Variants in PDE4B observed in about 807,000 individuals in gnomAD.
PDE4B encodes the protein 3',5'-cyclic-AMP phosphodiesterase 4B.
In PDE4B, 20 loss-of-function variants were observed where a neutral mutation model predicts 82.2. That is an observed-to-expected ratio of 0.24 (90% CI 0.17 to 0.35). The LOEUF (loss-of-function observed/expected upper bound fraction) is 0.35, where lower values mean the gene tolerates loss of function less well. Among genes scored for constraint, PDE4B ranks in the 10% least tolerant of loss-of-function variants. PDE4B has a pLI of 1.00. For missense variants in PDE4B, 655 were observed against 907.2 expected, an observed-to-expected ratio of 0.72 and a Z score of 3.57; for synonymous variants, 320 against 318.9, an observed-to-expected ratio of 1.00 and a Z score of -0.04.
At chr1:66,116,720 C>T (rs1371965285) in intron 3 of PDE4B, among the ~76,000 whole-genome samples, 1 of 152,102 alleles carries the variant, frequency 6.6e-6, no homozygotes, top group African/African-American at 2.4e-5. Flanking sequence ...TGTGCCACCA[C>T]ACCCGGCTGA....
At chr1:65,811,233 C>T (rs770910556) in intron 1 of PDE4B, among the ~76,000 whole-genome samples, 19 of 152,216 alleles carry the variant, frequency 1.2e-4, no homozygotes, top group Non-Finnish European at 1.9e-4. Flanking sequence ...ATAACTTGCT[C>T]AGGGTCATAT....
intron 4 of PDE4B, among the ~76,000 whole-genome samples, chr1:66,247,895 T>C (rs1371195296): frequency 6.6e-6 from 1 of 152,254 alleles, no homozygotes; most frequent in Admixed American, 6.5e-5. Context: ...TTACATCTTT[T>C]ACTGATACCT....
intron 3 of PDE4B, among the ~76,000 whole-genome samples, chr1:66,134,561 G>C (rs901340173): frequency 6.6e-6 from 1 of 152,142 alleles, no homozygotes; most frequent in Admixed American, 6.6e-5. Context: ...ATGGGTCCTT[G>C]ACTTGGGAAG....
At chr1:66,056,570 G>A (rs61796607) in intron 3 of PDE4B, among the ~76,000 whole-genome samples, 32,813 of 151,136 alleles carry the variant, frequency 0.22, 4,116 homozygotes, top group Middle Eastern at 0.36. Flanking sequence ...TCCTTACTTG[G>A]GAAGAAACTT....
chr1:66,045,540 A>G (rs552744088), intron 3 of PDE4B, among the ~76,000 whole-genome samples: 1 of 151,886 alleles, frequency 6.6e-6, no homozygotes, highest in South Asian at 2.1e-4. Flanking sequence ...TCCTAATTTT[A>G]TTCAAGAATG....
At chr1:66,243,472 T>C (rs1343380569) in intron 3 of PDE4B, among the ~76,000 whole-genome samples, 2 of 152,076 alleles carry the variant, frequency 1.3e-5, no homozygotes, top group East Asian at 3.8e-4. Context: ...AGTAAATAAA[T>C]AGAGAATTAA....
At position 66,209,320 on chromosome 1, in the gene PDE4B, T is replaced by C. The variant is rs10493399; in HGVS notation, c.282-38140T>C. ...TTGGAAGTTTCATGTGTTATCTCCTTTAAACTCACTGTAAAAGGCATGAGG... is the reference window on the plus strand; with the variant it reads ...TTGGAAGTTTCATGTGTTATCTCCTCTAAACTCACTGTAAAAGGCATGAGG... On this transcript the variant is annotated intron_variant, in intron 3 of 16. Coordinates refer to ENST00000341517, the MANE Select transcript of PDE4B (RefSeq NM_002600.4). Among the ~76,000 whole-genome samples, 1,941 of 152,350 alleles carry C rather than the reference T, an allele frequency of 0.013. 91 individuals carry two copies. In the East Asian group the frequency reaches 0.15, roughly 12 times the overall value.
intron 8 of PDE4B, among the ~76,000 whole-genome samples, chr1:66,350,446 T>G (rs989634365): frequency 7.9e-5 from 12 of 152,150 alleles, no homozygotes; most frequent in African/African-American, 2.9e-4. Context: ...GAGAGGAAGG[T>G]ACCTGCTTTA....
intron 1 of PDE4B, among the ~76,000 whole-genome samples, chr1:65,826,494 T>C (rs961576030): frequency 6.6e-6 from 1 of 152,122 alleles, no homozygotes; most frequent in African/African-American, 2.4e-5. Context: ...AGAGTTACTT[T>C]GAGGGAAGAT....
At chr1:66,224,407 C>CA (rs1444646939) in intron 3 of PDE4B, among the ~76,000 whole-genome samples, 1 of 152,062 alleles carries the variant, frequency 6.6e-6, no homozygotes, top group Non-Finnish European at 1.5e-5. Context: ...TCAAGTGCAG[C>CA]AAAAAATGGC....
chr1:65,963,161 T>C (rs1649633837), intron 3 of PDE4B, among the ~76,000 whole-genome samples: 1 of 152,130 alleles, frequency 6.6e-6, no homozygotes, highest in Non-Finnish European at 1.5e-5. Flanking sequence ...CCTAAAGTAC[T>C]CTCCTTCTAT....
At chr1:66,135,412 G>T (rs955688424) in intron 3 of PDE4B, among the ~76,000 whole-genome samples, 1 of 152,268 alleles carries the variant, frequency 6.6e-6, no homozygotes, top group Non-Finnish European at 1.5e-5. Context: ...AGTCAGTCTC[G>T]CCATCAGGGG....
intron 3 of PDE4B, among the ~76,000 whole-genome samples, chr1:66,224,365 G>C (rs547519958): frequency 1.3e-5 from 2 of 152,252 alleles, no homozygotes; most frequent in South Asian, 4.1e-4. Context: ...TTCGGAGCTG[G>C]TCAGATCAAT....
chr1:66,271,285 AG>A (rs1379138056), intron 7 of PDE4B, among the ~76,000 whole-genome samples: 3 of 152,244 alleles, frequency 2.0e-5, no homozygotes, highest in Non-Finnish European at 4.4e-5. Flanking sequence ...AATGAAACCG[AG>A]GAGGCCTCAT....
At chr1:66,203,337 C>T (rs1437501450) in intron 3 of PDE4B, among the ~76,000 whole-genome samples, 1 of 152,030 alleles carries the variant, frequency 6.6e-6, no homozygotes, top group Non-Finnish European at 1.5e-5. Flanking sequence ...TGGAGTTGCT[C>T]TTCTCGAGGA....
chr1:66,249,763 C>T (rs1190496986), intron 4 of PDE4B, among the ~76,000 whole-genome samples: 3 of 144,092 alleles, frequency 2.1e-5, no homozygotes, highest in African/African-American at 7.7e-5. Context: ...TATTTAATAT[C>T]ATTCTCACTT....
At chr1:65,921,193 C>T (rs982382136) in intron 3 of PDE4B, among the ~76,000 whole-genome samples, 2 of 151,702 alleles carry the variant, frequency 1.3e-5, no homozygotes, top group Non-Finnish European at 1.5e-5. Flanking sequence ...TGGTCTCGAT[C>T]TCCTGACCTC....
At chr1:66,259,496 T>A (rs541391735) in intron 6 of PDE4B, among the ~76,000 whole-genome samples, 2 of 152,310 alleles carry the variant, frequency 1.3e-5, no homozygotes, top group South Asian at 4.1e-4. Context: ...CTTGCCAGTG[T>A]CTGCTTGGCC....
At chr1:65,992,559 G>T (rs1052236017) in intron 3 of PDE4B, 59 of 196,492 alleles carry the variant, frequency 3.0e-4, no homozygotes, top group African/African-American at 1.4e-3. Flanking sequence ...TTTATCAAAA[G>T]CCTTTATGAA....
Sources: gnomAD v4.1 joint callset for allele counts (sites outside exome capture counted in the v4.1 genomes callset) on GRCh38, gnomAD v4.1.1 for gene constraint, MANE v1.5 for transcripts, NCBI Gene and HGNC (gene_info 2026-07-23, HGNC 2026-07-21) for gene names.